The following SPIC variants were observed in gnomAD, a reference collection of about 807,000 sequenced individuals.
SPIC encodes the protein Spi-C transcription factor, also known as transcription factor Spi-C.
In SPIC, 9 loss-of-function variants were observed where a neutral mutation model predicts 16.7. That is an observed-to-expected ratio of 0.54 (90% confidence interval 0.33 to 0.94). SPIC has a LOEUF of 0.94. SPIC is among the 40% of genes least tolerant of loss of function. The pLI is 0.03. For synonymous variants in SPIC, 97 were observed against 102.9 expected, an observed-to-expected ratio of 0.94 and a Z score of 0.35; for missense variants, 241 against 285.8, an observed-to-expected ratio of 0.84 and a Z score of 1.13.
rs868192984 is a variant in SPIC at position 101,481,659 on chromosome 12, G to A, written c.211-1133G>A. 1.4e-4 allele frequency among the ~76,000 whole-genome samples: 22 copies of A among 151,748 alleles called. No homozygotes were observed. The South Asian group carries it at 1.5e-3, about 10-fold the overall frequency. Reference sequence around the variant, plus strand: ...CTAGTAGCTAGCTGGGATCACAGGCGCCTGCCACCATGCCCAGCTAATTTT... The same window carrying A: ...CTAGTAGCTAGCTGGGATCACAGGCACCTGCCACCATGCCCAGCTAATTTT... On this transcript the variant is annotated intron_variant, in intron 4 of 5. Coordinates refer to ENST00000551346, the MANE Select transcript of SPIC (RefSeq NM_152323.3).
chr12:101,486,154 A>G (rs1044676754), intron 5 of SPIC, among the ~76,000 whole-genome samples, 190 bp from the exon 6 acceptor site: 2 of 152,204 alleles, frequency 1.3e-5, no homozygotes, highest in Non-Finnish European at 2.9e-5. Flanking sequence ...TGAAACTTCA[A>G]TAGGCCAAAT....
At position 101,486,834 on chromosome 12, in the gene SPIC, C is replaced by T; in HGVS notation, c.*63C>T. ...ATCTCTACAAGTTTTAATGATTTCTCCCTCCCTCTCTTTTTTTCCTCCTCT... is the reference window on the plus strand; with the variant it reads ...ATCTCTACAAGTTTTAATGATTTCTTCCTCCCTCTCTTTTTTTCCTCCTCT... On this transcript the variant is annotated 3_prime_UTR_variant, in exon 6 of 6. Coordinates refer to ENST00000551346, the MANE Select transcript of SPIC (RefSeq NM_152323.3). The T allele has an allele frequency of 7.5e-7, 1 of 1,331,390 alleles. No homozygotes were observed. The allele number at this position is 1,331,390 out of a possible 1,614,324, so 82.5% of individuals were successfully genotyped here. A position where few individuals can be genotyped will look rare whatever the true frequency, so the allele number is the denominator to read the frequency against.
chr12:101,482,197 A>C (rs1456944538), intron 4 of SPIC, among the ~76,000 whole-genome samples: 1 of 148,776 alleles, frequency 6.7e-6, no homozygotes, highest in Non-Finnish European at 1.5e-5. Flanking sequence ...GCGCCATTGC[A>C]CTCCAGCCTA....
At chr12:101,481,581 C>T (rs1331516946) in intron 4 of SPIC, among the ~76,000 whole-genome samples, 1 of 149,284 alleles carries the variant, frequency 6.7e-6, no homozygotes, top group Non-Finnish European at 1.5e-5. Flanking sequence ...GTGATCTCGG[C>T]TCACTGCATC....
At chr12:101,478,137 T>G (rs1873021116) in intron 3 of SPIC, among the ~76,000 whole-genome samples, 1 of 148,966 alleles carries the variant, frequency 6.7e-6, no homozygotes, top group African/African-American at 2.5e-5. Flanking sequence ...GTTCACGCCA[T>G]TCTCCTGCCT....
At chr12:101,482,492 G>A (rs186318851) in intron 4 of SPIC, among the ~76,000 whole-genome samples, 1 of 152,242 alleles carries the variant, frequency 6.6e-6, no homozygotes, top group African/African-American at 2.4e-5. Flanking sequence ...ACACAGGAAT[G>A]GAAGCCCATC....
intron 5 of SPIC, among the ~76,000 whole-genome samples, chr12:101,484,846 C>T (rs1035740885): frequency 2.8e-4 from 42 of 149,914 alleles, no homozygotes; most frequent in African/African-American, 8.3e-4. Context: ...CCAGCCTGGG[C>T]GACAGAGCGA....
chr12:101,486,855 C>T lies in SPIC; in HGVS notation c.*84C>T, dbSNP rs1387449270. ...TTCTCCCTCCCTCTCTTTTTTTCCT[C>T]CTCTGAAGAAATTTAGGATTTTTCT... On this transcript the variant is annotated 3_prime_UTR_variant, in exon 6 of 6. Coordinates refer to ENST00000551346, the MANE Select transcript of SPIC (RefSeq NM_152323.3). The T allele has an allele frequency of 8.4e-7, 1 of 1,197,056 alleles. No individual in the cohort carries two copies. 74.2% of individuals were successfully genotyped at this position (1,197,056 alleles called of 1,614,324 possible).
Position 101,485,222 on chromosome 12 carries a change from T to C in SPIC, c.320-1122T>C, listed in dbSNP as rs570220532. ...GGAAAATGGAATTTGGCTGCAAATT[T>C]TTTAGCTACTGACAGATCTGGCAGA... On this transcript the variant is annotated intron_variant, in intron 5 of 5. Transcript: ENST00000551346. Among the ~76,000 whole-genome samples the C allele has an allele frequency of 1.6e-4, 24 of 152,316 alleles. No individual in the cohort carries two copies. In the East Asian group the frequency reaches 4.2e-3, roughly 27 times the overall value.
At position 101,482,864 on chromosome 12, in the gene SPIC, G is replaced by A. The variant is rs1873249734; in HGVS notation, c.283G>A (p.Val95Ile). Residue 95 changes from valine (V) to isoleucine (I), a missense_variant, in exon 5 of 6, where the codon GTA (valine) becomes ATA (isoleucine). By Grantham distance (29) the Val-to-Ile change is conservative (BLOSUM62 3). Transcript: ENST00000551346. ...SLQNITENQL[V>I]QPTLLQQKGG... ...GCAGAACATAACTGAAAACCAGCTG[G>A]TACAACCCACTCTTCTCCAGCAAAA... 1 of 1,613,966 alleles carries A rather than the reference G, an allele frequency of 6.2e-7. No homozygotes were observed. Among genetic ancestry groups the A allele is most frequent in the South Asian group, 1.1e-5 (1 of 91,074 alleles).
chr12:101,483,690 C>T (rs940228397), intron 5 of SPIC, among the ~76,000 whole-genome samples: 7 of 151,800 alleles, frequency 4.6e-5, no homozygotes, highest in South Asian at 2.1e-4. Flanking sequence ...TCTGCCTCCC[C>T]GACTCAAGCA....
chr12:101,484,309 G>C (rs772945582), intron 5 of SPIC, among the ~76,000 whole-genome samples: 1 of 151,072 alleles, frequency 6.6e-6, no homozygotes, highest in South Asian at 2.1e-4. Context: ...CAAGGTAGAC[G>C]GATCACCTGG....
chr12:101,480,954 T>G (rs573291403), intron 4 of SPIC, among the ~76,000 whole-genome samples: 2 of 152,258 alleles, frequency 1.3e-5, no homozygotes, highest in Admixed American at 1.3e-4. Flanking sequence ...CTGGCAACCC[T>G]TCTTCTTTCT....
chr12:101,484,691 C>T (rs1012494316), intron 5 of SPIC, among the ~76,000 whole-genome samples: 6 of 151,704 alleles, frequency 4.0e-5, no homozygotes, highest in Admixed American at 2.0e-4. Context: ...AAATTATAGG[C>T]CAGGCATGGT....
chr12:101,483,534 G>C (rs1213801910), intron 5 of SPIC, among the ~76,000 whole-genome samples: 1 of 152,020 alleles, frequency 6.6e-6, no homozygotes, highest in African/African-American at 2.4e-5. Context: ...TAAGTAGAAG[G>C]AGTACAATCT....
intron 5 of SPIC, 95 bp from the exon 6 acceptor site, chr12:101,486,249 A>T: frequency 8.2e-7 from 1 of 1,226,354 alleles, no homozygotes; most frequent in African/African-American, 1.5e-5. Context: ...GTCTCGATGC[A>T]GCTTTTAATT....
chr12:101,479,810 TTTTC>T, intron 4 of SPIC, 116 bp downstream of exon 4: 1 of 673,048 alleles, frequency 1.5e-6, no homozygotes, highest in Non-Finnish European at 2.2e-6. Context: ...GAAAATGGTT[TTTTC>T]TTTCTTTTTT....
chr12:101,486,206 C>T, intron 5 of SPIC, 138 bp from the exon 6 acceptor site: 1 of 745,644 alleles, frequency 1.3e-6, no homozygotes, highest in East Asian at 2.6e-5. Flanking sequence ...TGCCATCATG[C>T]ATTCGTAAGG....
Position 101,486,836 on chromosome 12 carries a change from C to A in SPIC, c.*65C>A. On this transcript the variant is annotated 3_prime_UTR_variant, in exon 6 of 6. Coordinates refer to ENST00000551346, the MANE Select transcript of SPIC (RefSeq NM_152323.3). ...CTCTACAAGTTTTAATGATTTCTCCCTCCCTCTCTTTTTTTCCTCCTCTGA... is the reference window on the plus strand; with the variant it reads ...CTCTACAAGTTTTAATGATTTCTCCATCCCTCTCTTTTTTTCCTCCTCTGA... 7.5e-7 allele frequency: 1 copy of A among 1,335,024 alleles called. No homozygotes were observed. The highest frequency in any genetic ancestry group is 1.0e-6 in the Non-Finnish European group (1 of 998,836). The allele number at this position is 1,335,024 out of a possible 1,614,324, so 82.7% of individuals were successfully genotyped here. A position where few individuals can be genotyped will look rare whatever the true frequency, so the allele number is the denominator to read the frequency against.
Sources: allele counts gnomAD v4.1 joint callset (sites outside exome capture counted in the v4.1 genomes callset), GRCh38; gene constraint gnomAD v4.1.1; transcripts MANE v1.5; gene names NCBI Gene and HGNC (gene_info 2026-07-23, HGNC 2026-07-21).